Variants in UBR4 observed in about 807,000 individuals in gnomAD.
The protein encoded by UBR4 is ubiquitin protein ligase E3 component n-recognin 4.
Under a neutral mutation model 575.6 loss-of-function variants are expected in UBR4, and 124 were observed. The observed-to-expected ratio is 0.22, with a 90% CI of 0.19 to 0.25. The LOEUF is 0.25. Ranked by LOEUF, UBR4 falls within the 10% of genes least tolerant of loss-of-function variation. UBR4 has a pLI of 1.00. For synonymous variants in UBR4, 2,455 were observed against 2,473.7 expected, an observed-to-expected ratio of 0.99 and a Z score of 0.22; for missense variants, 4,818 against 6,478.8, an observed-to-expected ratio of 0.74 and a Z score of 8.80.
chr1:19,175,246 T>C (rs922690502), intron 20 of UBR4, among the ~76,000 whole-genome samples: 8 of 151,334 alleles, frequency 5.3e-5, no homozygotes, highest in Non-Finnish European at 1.2e-4. Context: ...TGAATGCCAG[T>C]AGCACCCCCA....
chr1:19,118,853 A>C lies in UBR4; in HGVS notation c.10541+19T>G. The C allele has an allele frequency of 6.2e-7, 1 of 1,612,890 alleles. No individual in the cohort carries two copies. On this transcript the variant is annotated intron_variant, in intron 71 of 105. Transcript: ENST00000375254. ...TGCTGACTGAGCTTCCCACAGGTAG[A>C]AAGCAAAACAAAGCTCACTTATAAA...
intron 22 of UBR4, 34 bp from the exon 23 acceptor site, chr1:19,173,655 T>C: frequency 1.2e-6 from 2 of 1,605,328 alleles, no homozygotes; most frequent in East Asian, 4.5e-5. Flanking sequence ...GAGGTAGCAC[T>C]TGGTATGGCC....
At chr1:19,180,864 C>T (rs1167683791) in intron 17 of UBR4, among the ~76,000 whole-genome samples, 1 of 152,164 alleles carries the variant, frequency 6.6e-6, no homozygotes, top group Non-Finnish European at 1.5e-5. Flanking sequence ...AGTCAAACTG[C>T]ACCACAGTCC....
chr1:19,117,164 C>G lies in UBR4; in HGVS notation c.10823+57G>C. The G allele has an allele frequency of 6.3e-7, 1 of 1,579,910 alleles. No homozygotes were observed. Among genetic ancestry groups the G allele is most frequent in the Non-Finnish European group, 8.6e-7 (1 of 1,158,088 alleles). On this transcript the variant is annotated intron_variant, in intron 73 of 105. Coordinates refer to ENST00000375254, the MANE Select transcript of UBR4 (RefSeq NM_020765.3). This position sits in a 1 kb window ranked among gnomAD's most constrained non-coding sequence, Gnocchi z 4.0. ...ACTCCATTCCAGGAACCGAAGGCAG[C>G]AACTGAGCTTCAGCCTTACAACCTG...
At position 19,185,272 on chromosome 1, in the gene UBR4, G is replaced by T; in HGVS notation, c.1765C>A (p.Pro589Thr). 1 of 1,575,484 alleles carries T rather than the reference G, an allele frequency of 6.3e-7. No individual in the cohort carries two copies. The highest frequency in any genetic ancestry group is 1.2e-5 in the South Asian group (1 of 85,398). The change falls in exon 15 of 106, where the codon CCT becomes ACT. Residue 589 changes from proline to threonine, a missense_variant. By Grantham distance (38) the Pro-to-Thr change is conservative (BLOSUM62 -1). This residue lies in a region of UBR4 where 162 missense variants were observed against 216.4 expected (regional missense o/e 0.75). Transcript: ENST00000375254. Reference protein sequence around the residue: ...EDSSQDDDSEPILGQWFEETI... With the variant: ...EDSSQDDDSETILGQWFEETI... ...TCCTCAAACCATTGCCCCAAAATAGGCTCACTGTCATCGTCTGAATAGAGA... is the reference window on the plus strand; with the variant it reads ...TCCTCAAACCATTGCCCCAAAATAGTCTCACTGTCATCGTCTGAATAGAGA...
chr1:19,118,009 AAAG>A, intron 71 of UBR4, 99 bp from the exon 72 acceptor site: 2 of 1,165,816 alleles, frequency 1.7e-6, no homozygotes, highest in Non-Finnish European at 2.5e-6. Flanking sequence ...AATGTGAGCC[AAAG>A]TGAGCCCAAA....
At chr1:19,169,901 T>TC in intron 26 of UBR4, among the ~76,000 whole-genome samples, 1 of 152,334 alleles carries the variant, frequency 6.6e-6, no homozygotes, top group Admixed American at 6.5e-5. Flanking sequence ...TGATCTCTTT[T>TC]CTCTTTAAGA....
intron 1 of UBR4, among the ~76,000 whole-genome samples, chr1:19,206,360 T>G (rs1417148309): frequency 6.6e-6 from 1 of 151,734 alleles, no homozygotes; most frequent in East Asian, 1.9e-4. Flanking sequence ...TTAGATGGAG[T>G]TTTGCTCTTG....
chr1:19,106,669 G>A lies in UBR4; in HGVS notation c.12293C>T (p.Thr4098Ile), dbSNP rs2079237395. 6 of 1,610,356 alleles carry A rather than the reference G, an allele frequency of 3.7e-6. No homozygotes were observed. The East Asian group carries it at 6.7e-5, about 18-fold the overall frequency. ...TTTCCACCTCCACACATACTTCTCA[G>A]TCAAATAGAGATGGCGGAGCTCTGA... ...SKSELRHLYLTEKYVWRWKQF... is the reference protein window; with the variant it reads ...SKSELRHLYLIEKYVWRWKQF... The change falls in exon 83 of 106, where the codon ACT becomes ATT. Residue 4098 changes from threonine (T) to isoleucine (I), a missense_variant. Physicochemically the swap from Thr to Ile is moderately conservative, Grantham distance 89. Around this residue, in one of 29 missense-constraint regions of UBR4, gnomAD observed 178 missense variants for 175.5 expected, o/e 1.01. Transcript: ENST00000375254.
intron 90 of UBR4, 78 bp from the exon 91 acceptor site, chr1:19,097,358 T>A: frequency 7.6e-7 from 1 of 1,308,150 alleles, no homozygotes; most frequent in Non-Finnish European, 1.1e-6. Context: ...TGGTCTTGCT[T>A]AAAGCCCCAG....
intron 52 of UBR4, chr1:19,146,222 C>T (rs919164089): frequency 2.7e-5 from 20 of 754,476 alleles, no homozygotes; most frequent in Middle Eastern, 2.8e-4. Flanking sequence ...ACTTCTAAAA[C>T]GTAGAGGAAC....
Position 19,148,638 on chromosome 1 carries a change from G to C in UBR4, c.7431-12C>G, listed in dbSNP as rs369169975. ...AACTCACAACCAGCCTGGGGAGACA[G>C]AAAACCTGGCTTGAGTACAACACCG... On this transcript the variant is annotated splice_polypyrimidine_tract_variant and intron_variant, in intron 49 of 105. Coordinates refer to ENST00000375254, the MANE Select transcript of UBR4 (RefSeq NM_020765.3). 2.4e-5 allele frequency: 39 copies of C among 1,614,168 alleles called. No individual in the cohort carries two copies. In the African/African-American group the frequency reaches 3.7e-4, roughly 15 times the overall value.
chr1:19,075,269 A>C (rs1390777885), intron 105 of UBR4: 2 of 291,074 alleles, frequency 6.9e-6, no homozygotes, highest in East Asian at 9.4e-5. Flanking sequence ...CCCTGGCTGC[A>C]GGCCAGGGGT....
At chr1:19,193,153 C>T (rs907930005) in intron 9 of UBR4, among the ~76,000 whole-genome samples, 1 of 152,120 alleles carries the variant, frequency 6.6e-6, no homozygotes, top group Admixed American at 6.6e-5. Context: ...ACTGCATTTC[C>T]CTAAAAGTAC....
rs776664718 is a variant in UBR4 at position 19,162,480 on chromosome 1, T to C, written c.4896A>G (p.Val1632=). The change falls in exon 35 of 106, where the codon GTA becomes GTG. Residue 1632 remains valine, a synonymous_variant. Transcript: ENST00000375254. ...CCAACTCCTCCACCCAGTCTGAGTC[T>C]ACTTCAATGGCCCGCTCTTCCCCAT... The part of the protein sequence containing the change: ...SVDGEERAIE[V]DSDWVEELAV... 1.9e-6 allele frequency: 3 copies of C among 1,614,218 alleles called. No homozygotes were observed. Among genetic ancestry groups the C allele is most frequent in the Non-Finnish European group, 2.5e-6 (3 of 1,180,030 alleles).
In UBR4 at chr1:19,106,675, T is replaced by G; in HGVS notation, c.12287A>C (p.Tyr4096Ser). The G allele has an allele frequency of 6.2e-7, 1 of 1,610,122 alleles. No individual in the cohort carries two copies. The highest frequency in any genetic ancestry group is 8.5e-7 in the Non-Finnish European group (1 of 1,177,858). ...CCTCCACACATACTTCTCAGTCAAA[T>G]AGAGATGGCGGAGCTCTGATTTGCT... Reference protein sequence around the residue: ...APSKSELRHLYLTEKYVWRWK... With the variant: ...APSKSELRHLSLTEKYVWRWK... Residue 4096 changes from tyrosine (Y) to serine (S), a missense_variant, in exon 83 of 106, where the codon TAT (tyrosine) becomes TCT (serine). Tyr to Ser is a moderately radical substitution (Grantham distance 144). Around this residue, in one of 29 missense-constraint regions of UBR4, gnomAD observed 178 missense variants for 175.5 expected, o/e 1.01. Transcript: ENST00000375254.
intron 21 of UBR4, 133 bp from the exon 22 acceptor site, chr1:19,174,580 C>G: frequency 7.6e-7 from 1 of 1,313,766 alleles, no homozygotes; most frequent in Non-Finnish European, 1.0e-6. Context: ...CTCCTTGGAA[C>G]AGATTCCCAT....
chr1:19,172,882 G>A lies in UBR4; in HGVS notation c.3503C>T (p.Thr1168Ile), dbSNP rs745502782. 3.1e-6 allele frequency: 5 copies of A among 1,614,098 alleles called. No individual in the cohort carries two copies. In the Admixed American group the frequency reaches 6.7e-5, roughly 22 times the overall value. ...GCCACACCTGGTGAACGATGCATAG[G>A]TGTCAATGAGTTGCAGCGTGGCTGG... is the stretch of plus-strand genomic sequence containing the variant. ...LLPATLQLID[T>I]YASFTRAYLL... is the part of the protein sequence containing the mutation. Residue 1168 changes from threonine (T) to isoleucine (I), a missense_variant, in exon 25 of 106, where the codon ACC (threonine) becomes ATC (isoleucine). Physicochemically the swap from Thr to Ile is moderately conservative, Grantham distance 89. Transcript: ENST00000375254.
rs1022757348 is a variant in UBR4 at position 19,110,324 on chromosome 1, G to A, written c.11977+56C>T. The stretch of plus-strand genomic sequence containing the variant: ...AGTTTCCCTCCTCCCCTCCCAGTCC[G>A]GCCAGGACTGCTCCTTTGAGCCTCC... On this transcript the variant is annotated intron_variant, in intron 80 of 105. Transcript: ENST00000375254. This position sits in a 1 kb window ranked among gnomAD's most constrained non-coding sequence, Gnocchi z 4.5. The A allele has an allele frequency of 4.3e-6, 7 of 1,612,888 alleles. No individual in the cohort carries two copies. Among genetic ancestry groups the A allele is most frequent in the South Asian group, 1.1e-5 (1 of 90,966 alleles).
Sources: gnomAD v4.1 joint callset for allele counts (sites outside exome capture counted in the v4.1 genomes callset) on GRCh38, gnomAD v4.1.1 for gene constraint, gnomAD v4.1.1 regional missense constraint, Gnocchi (gnomAD v3.1) non-coding constraint, MANE v1.5 for transcripts, NCBI Gene and HGNC (gene_info 2026-07-23, HGNC 2026-07-21) for gene names.